Variants in PLXDC2 observed in about 807,000 individuals in gnomAD.
The protein encoded by PLXDC2 is plexin domain containing 2, also known as plexin domain-containing protein 2.
PLXDC2 carries 40 observed loss-of-function variants against 68.9 expected under a neutral mutation model. The observed-to-expected ratio is 0.58, with a 90% CI of 0.45 to 0.76. The LOEUF is 0.76. Among genes scored for constraint, PLXDC2 ranks in the 30% least tolerant of loss-of-function variants. The pLI is 0.00. For synonymous variants in PLXDC2, 243 were observed against 234.2 expected (o/e 1.04, Z -0.34); for missense variants, 644 against 661.9 (o/e 0.97, Z 0.30).
chr10:20,090,703 T>C (rs1489669847), intron 4 of PLXDC2, among the ~76,000 whole-genome samples: 1 of 152,150 alleles, frequency 6.6e-6, no homozygotes, highest in East Asian at 1.9e-4. Context: ...GAATATTCCA[T>C]TAATGTTGTA....
chr10:20,242,090 A>G (rs1391840542), intron 12 of PLXDC2, among the ~76,000 whole-genome samples: 1 of 152,174 alleles, frequency 6.6e-6, no homozygotes, highest in African/African-American at 2.4e-5. Context: ...AAAAATATCT[A>G]CTATTTTTGC....
At chr10:19,898,518 C>G (rs1015479177) in intron 1 of PLXDC2, among the ~76,000 whole-genome samples, 1 of 152,180 alleles carries the variant, frequency 6.6e-6, no homozygotes, top group African/African-American at 2.4e-5. Flanking sequence ...ACAACGAAAA[C>G]TAATTTTCAT....
At chr10:20,036,912 C>A (rs985864039) in intron 2 of PLXDC2, among the ~76,000 whole-genome samples, 3 of 152,170 alleles carry the variant, frequency 2.0e-5, no homozygotes, top group South Asian at 2.1e-4. Context: ...GCAATTGATA[C>A]CAGTGCTAAT....
chr10:19,908,195 A>G (rs568846886), intron 1 of PLXDC2, among the ~76,000 whole-genome samples: 9 of 152,256 alleles, frequency 5.9e-5, no homozygotes, highest in African/African-American at 2.2e-4. Context: ...TTCTGTCAAC[A>G]TAATTTATTT....
At chr10:19,904,280 G>A (rs1371691769) in intron 1 of PLXDC2, among the ~76,000 whole-genome samples, 1 of 152,072 alleles carries the variant, frequency 6.6e-6, no homozygotes, top group African/African-American at 2.4e-5. Context: ...AGTCAGTGGA[G>A]CATTACGTCC....
intron 3 of PLXDC2, among the ~76,000 whole-genome samples, chr10:20,052,274 T>C (rs114514416): frequency 0.016 from 2,381 of 152,244 alleles, 59 homozygotes; most frequent in African/African-American, 0.054. Context: ...GCTTTCCAAA[T>C]TGTATAGAGT....
chr10:20,176,595 A>G (rs1336553651), intron 7 of PLXDC2, among the ~76,000 whole-genome samples: 1 of 152,160 alleles, frequency 6.6e-6, no homozygotes, highest in Non-Finnish European at 1.5e-5. Context: ...CTTTATTTAG[A>G]GTGTGAAACA....
chr10:20,023,806 T>G lies in PLXDC2; in HGVS notation c.324+21820T>G, dbSNP rs539127287. Among the ~76,000 whole-genome samples the G allele has an allele frequency of 5.3e-5, 8 of 152,306 alleles. No homozygotes were observed. The South Asian group carries it at 1.2e-3, about 24-fold the overall frequency. On this transcript the variant is annotated intron_variant, in intron 2 of 13. Transcript: ENST00000377252. ...AAAACCCTGCAAATTATTTGATTAC[T>G]TAATATATTTCTCAATTTGTATCTG...
At chr10:20,212,786 A>T (rs1835086367) in intron 10 of PLXDC2, among the ~76,000 whole-genome samples, 1 of 152,160 alleles carries the variant, frequency 6.6e-6, no homozygotes, top group African/African-American at 2.4e-5. Flanking sequence ...CATTTAGGGA[A>T]TGACAGCAGT....
chr10:20,027,458 A>G (rs901164273), intron 2 of PLXDC2, among the ~76,000 whole-genome samples: 1 of 152,194 alleles, frequency 6.6e-6, no homozygotes, highest in African/African-American at 2.4e-5. Flanking sequence ...AGGCCCACAC[A>G]GGTGCCAGTA....
chr10:19,973,222 G>GTA (rs897014907), intron 1 of PLXDC2, among the ~76,000 whole-genome samples: 29 of 148,480 alleles, frequency 2.0e-4, no homozygotes, highest in African/African-American at 6.9e-4. Context: ...CAAGATCTGC[G>GTA]TATATATATG....
chr10:20,019,341 G>A (rs1405745571), intron 2 of PLXDC2, among the ~76,000 whole-genome samples: 1 of 147,124 alleles, frequency 6.8e-6, no homozygotes, highest in Non-Finnish European at 1.5e-5. Flanking sequence ...TTACAGGCAA[G>A]GGCAGGGTCA....
intron 4 of PLXDC2, among the ~76,000 whole-genome samples, chr10:20,088,255 G>A (rs750268134): frequency 1.3e-5 from 2 of 152,124 alleles, no homozygotes; most frequent in Non-Finnish European, 2.9e-5. Flanking sequence ...ATTTTACATA[G>A]CTACAATGAA....
At chr10:20,042,555 T>G (rs991802626) in intron 2 of PLXDC2, among the ~76,000 whole-genome samples, 2 of 151,062 alleles carry the variant, frequency 1.3e-5, no homozygotes, top group Non-Finnish European at 2.9e-5. Flanking sequence ...AAATGACTAC[T>G]ACACTGATAG....
chr10:19,919,586 C>T (rs1023461902), intron 1 of PLXDC2, among the ~76,000 whole-genome samples: 2 of 152,196 alleles, frequency 1.3e-5, no homozygotes, highest in Non-Finnish European at 2.9e-5. Context: ...AGAAAGACAG[C>T]AATATGTATT....
At chr10:19,885,570 A>G (rs959122926) in intron 1 of PLXDC2, among the ~76,000 whole-genome samples, 5 of 151,964 alleles carry the variant, frequency 3.3e-5, no homozygotes, top group African/African-American at 4.8e-5. Context: ...CTTTCTACAT[A>G]TGGCTAGCCA....
At chr10:19,833,495 G>C (rs958986991) in intron 1 of PLXDC2, among the ~76,000 whole-genome samples, 2 of 152,188 alleles carry the variant, frequency 1.3e-5, no homozygotes, top group Non-Finnish European at 2.9e-5. Context: ...TAAAAGGTGC[G>C]TTAAAAGAAC....
chr10:20,126,441 C>CGTTATATACGTATATAGAACACACAT (rs1564325077), intron 4 of PLXDC2, among the ~76,000 whole-genome samples: 4 of 127,782 alleles, frequency 3.1e-5, no homozygotes, highest in African/African-American at 1.1e-4. Flanking sequence ...ATACAACACA[C>CGTTATATACGTATATAGAACACACAT]GTTATATATG....
At chr10:20,204,048 C>T (rs1010651116) in intron 9 of PLXDC2, among the ~76,000 whole-genome samples, 1 of 151,924 alleles carries the variant, frequency 6.6e-6, no homozygotes, top group Non-Finnish European at 1.5e-5. Context: ...ATTCCCAGAG[C>T]AGTATATAAT....
Sources: gnomAD v4.1 joint callset for allele counts (sites outside exome capture counted in the v4.1 genomes callset) on GRCh38, gnomAD v4.1.1 for gene constraint, MANE v1.5 for transcripts, NCBI Gene and HGNC (gene_info 2026-07-23, HGNC 2026-07-21) for gene names.